RHOT1: variants seen among roughly 807,000 people sequenced by gnomAD.
RHOT1 encodes mitochondrial Rho GTPase 1.
A neutral mutation model predicts 95.3 loss-of-function variants in RHOT1; 27 were observed. The ratio of observed to expected loss-of-function variants is 0.28; its 90% confidence interval spans 0.21 to 0.39. RHOT1 has a LOEUF of 0.39. RHOT1 is among the 10% of genes least tolerant of loss of function. The probability of loss-of-function intolerance (pLI) is 1.00; values close to 1 mark genes in which losing one functional copy is unlikely to be tolerated. For synonymous variants in RHOT1, 227 were observed against 263.5 expected (o/e 0.86, Z 1.34); for missense variants, 578 against 786.7 (o/e 0.73, Z 3.17).
chr17:32,157,876 T>G (rs557447513), intron 1 of RHOT1, among the ~76,000 whole-genome samples: 7 of 152,318 alleles, frequency 4.6e-5, no homozygotes, highest in Admixed American at 1.3e-4. Context: ...GATTATTTTT[T>G]CTTCCTAGAG....
intron 19 of RHOT1, chr17:32,221,009 T>G (rs2038799368): frequency 1.1e-6 from 1 of 882,146 alleles, no homozygotes. Context: ...ATATTTTCTA[T>G]AAGTCATTTT....
At chr17:32,205,709 G>A (rs544123039) in intron 16 of RHOT1, among the ~76,000 whole-genome samples, 1 of 152,178 alleles carries the variant, frequency 6.6e-6, no homozygotes, top group East Asian at 1.9e-4. Flanking sequence ...GGAGGCCGAG[G>A]CGGGTGGATC....
intron 16 of RHOT1, among the ~76,000 whole-genome samples, chr17:32,206,316 C>T (rs1257600328): frequency 6.7e-6 from 1 of 149,584 alleles, no homozygotes; most frequent in African/African-American, 2.5e-5. Flanking sequence ...AGCGATTCTC[C>T]TGCCTTAGCC....
chr17:32,169,868 T>G (rs112997826), intron 1 of RHOT1, among the ~76,000 whole-genome samples: 1,717 of 151,842 alleles, frequency 0.011, 34 homozygotes, highest in African/African-American at 0.039. Context: ...AATTAGCTGG[T>G]TGTAGTGGCA....
At chr17:32,180,948 G>A in intron 6 of RHOT1, among the ~76,000 whole-genome samples, 1 of 152,220 alleles carries the variant, frequency 6.6e-6, no homozygotes. Flanking sequence ...GCCTCCCAAA[G>A]TGCTGAAATT....
chr17:32,169,046 C>T lies in RHOT1; in HGVS notation c.38-1997C>T, dbSNP rs893686960. Reference sequence around the variant, plus strand: ...GAAAAGGCCTGTAGAAATCAGAGCTCGAAGACACCTGTTAAATCATCTGAT... The same window carrying T: ...GAAAAGGCCTGTAGAAATCAGAGCTTGAAGACACCTGTTAAATCATCTGAT... On this transcript the variant is annotated intron_variant, in intron 1 of 19. Transcript: ENST00000545287. Among the ~76,000 whole-genome samples the T allele has an allele frequency of 3.9e-5, 6 of 152,156 alleles. No individual in the cohort carries two copies. In the East Asian group the frequency reaches 7.7e-4, roughly 20 times the overall value.
intron 1 of RHOT1, among the ~76,000 whole-genome samples, chr17:32,152,945 G>A (rs953669582): frequency 6.6e-6 from 1 of 151,990 alleles, no homozygotes. Context: ...CTGCATATAG[G>A]CATGCATCGC....
chr17:32,194,182 G>C (rs1050753814), intron 11 of RHOT1, 75 bp downstream of exon 11: 1 of 1,514,022 alleles, frequency 6.6e-7, no homozygotes, highest in African/African-American at 1.4e-5. Context: ...ATGTTTCCCA[G>C]GCTGGTCTTG....
chr17:32,224,663 C>G lies in RHOT1; in HGVS notation c.1910C>G (p.Ala637Gly). 6.2e-7 allele frequency: 1 copy of G among 1,613,586 alleles called. No individual in the cohort carries two copies. The highest frequency in any genetic ancestry group is 8.5e-7 in the Non-Finnish European group (1 of 1,179,698). The change falls in exon 20 of 20, where the codon GCA becomes GGA. Residue 637 changes from alanine to glycine, a missense_variant. By Grantham distance (60) the Ala-to-Gly change is moderately conservative. This residue lies in a region of RHOT1 where 296 missense variants were observed against 338.5 expected (regional missense o/e 0.87). Coordinates refer to ENST00000545287, the MANE Select transcript of RHOT1 (RefSeq NM_001033566.3). ...DLKSSTFWLR[A>G]SFGATVFAVL... ...AAGAGCTCCACGTTTTGGCTTCGAG[C>G]AAGTTTTGGTGCTACTGTTTTTGCA... is the stretch of plus-strand genomic sequence containing the variant.
At chr17:32,166,287 T>C (rs1056558185) in intron 1 of RHOT1, among the ~76,000 whole-genome samples, 1 of 152,176 alleles carries the variant, frequency 6.6e-6, no homozygotes, top group Admixed American at 6.5e-5. Context: ...AAAAATACTT[T>C]ATTGTCAAAA....
At chr17:32,149,007 A>G (rs1326469895) in intron 1 of RHOT1, among the ~76,000 whole-genome samples, 2 of 152,232 alleles carry the variant, frequency 1.3e-5, no homozygotes, top group African/African-American at 4.8e-5. Context: ...GAACTGTGGC[A>G]TATTCTATTG....
chr17:32,190,198 G>A (rs552484429), intron 8 of RHOT1, among the ~76,000 whole-genome samples: 3 of 152,216 alleles, frequency 2.0e-5, no homozygotes, highest in African/African-American at 4.8e-5. Context: ...GATCATGCCT[G>A]TAATCCCAGC....
chr17:32,196,924 C>T (rs898744319), intron 11 of RHOT1, among the ~76,000 whole-genome samples: 1 of 151,986 alleles, frequency 6.6e-6, no homozygotes, highest in Non-Finnish European at 1.5e-5. Flanking sequence ...GAGTTCGAGA[C>T]CAGCCTGGCC....
chr17:32,167,756 C>G (rs146871764), intron 1 of RHOT1, among the ~76,000 whole-genome samples: 1 of 152,146 alleles, frequency 6.6e-6, no homozygotes, highest in African/African-American at 2.4e-5. Context: ...TCATCTACAT[C>G]GAAAATCTTG....
chr17:32,208,005 A>G, intron 17 of RHOT1, 102 bp from the exon 18 acceptor site: 1 of 1,002,300 alleles, frequency 1.0e-6, no homozygotes, highest in Non-Finnish European at 1.5e-6. Flanking sequence ...CTTTGAAACT[A>G]CTGTTGCTTT....
intron 1 of RHOT1, chr17:32,150,978 G>A (rs2032210171): frequency 1.3e-6 from 2 of 1,541,878 alleles, no homozygotes; most frequent in Admixed American, 1.9e-5. Context: ...TGCTGCTGCT[G>A]CTGCTTCAAT....
At chr17:32,151,584 T>TA (rs1207254883) in intron 1 of RHOT1, 3 of 330,356 alleles carry the variant, frequency 9.1e-6, no homozygotes, top group East Asian at 7.3e-5. Flanking sequence ...ATGAACTTTT[T>TA]AAAAAAAGGA....
At position 32,215,290 on chromosome 17, in the gene RHOT1, G is replaced by A. The variant is rs571776129; in HGVS notation, c.1862+4052G>A. 5.7e-4 allele frequency among the ~76,000 whole-genome samples: 87 copies of A among 152,238 alleles called. 1 individual carries two copies. The highest frequency in any genetic ancestry group is 2.0e-3 in the African/African-American group (82 of 41,542). The stretch of plus-strand genomic sequence containing the variant: ...TCAAATCAGCACATTGTTTTAGTGT[G>A]CTTGTAAAAATTTTGGTCACTGAAA... On this transcript the variant is annotated intron_variant, in intron 19 of 19. Transcript: ENST00000545287.
intron 11 of RHOT1, among the ~76,000 whole-genome samples, chr17:32,198,358 A>G (rs2037059062): frequency 6.6e-6 from 1 of 152,224 alleles, no homozygotes; most frequent in Non-Finnish European, 1.5e-5. Flanking sequence ...GAACAAACCC[A>G]TGACAGGTAA....
Sources: gnomAD v4.1 joint callset for allele counts (sites outside exome capture counted in the v4.1 genomes callset) on GRCh38, gnomAD v4.1.1 for gene constraint, gnomAD v4.1.1 regional missense constraint, MANE v1.5 for transcripts, NCBI Gene and HGNC (gene_info 2026-07-23, HGNC 2026-07-21) for gene names.